The following PFKFB3 variants were observed in gnomAD, a reference collection of about 807,000 sequenced individuals.
PFKFB3 encodes the protein 6-phosphofructo-2-kinase/fructose-2,6-biphosphatase 3.
In PFKFB3, 33 loss-of-function variants were observed where a neutral mutation model predicts 68.0. The ratio of observed to expected loss-of-function variants is 0.49; its 90% CI spans 0.37 to 0.65. The LOEUF is 0.65. PFKFB3 is among the 30% of genes least tolerant of loss of function. The probability of loss-of-function intolerance (pLI) is 0.00; values close to 1 mark genes in which losing one functional copy is unlikely to be tolerated. For missense variants in PFKFB3, 586 were observed against 712.2 expected, an observed-to-expected ratio of 0.82 and a Z score of 2.02; for synonymous variants, 315 against 288.2, an observed-to-expected ratio of 1.09 and a Z score of -0.94.
chr10:6,222,761 G>T, intron 10 of PFKFB3, 94 bp from the exon 11 acceptor site: 1 of 1,352,722 alleles, frequency 7.4e-7, no homozygotes, highest in South Asian at 1.4e-5. Flanking sequence ...TTGATTTTGC[G>T]TGGCTCTCTG....
the PFKFB3 span, among the ~76,000 whole-genome samples, chr10:6,288,538 C>CT: frequency 6.6e-6 from 1 of 151,792 alleles, no homozygotes; most frequent in Non-Finnish European, 1.5e-5. Flanking sequence ...TGGACTCATC[C>CT]TTTTTTATGG....
At chr10:6,257,209 A>G (rs1846502325), downstream of PFKFB3, among the ~76,000 whole-genome samples, 1 of 152,186 alleles carries the variant, frequency 6.6e-6, no homozygotes, top group South Asian at 2.1e-4. Context: ...TCATACAAAG[A>G]ACCCTTTCTG....
chr10:6,164,524 G>A (rs183876462), intron 1 of PFKFB3, among the ~76,000 whole-genome samples: 137 of 152,328 alleles, frequency 9.0e-4, no homozygotes, highest in Non-Finnish European at 1.6e-3. Context: ...GGTGTTTCTC[G>A]TCAGGTGGGA....
Position 6,228,104 on chromosome 10 carries a change from T to C in PFKFB3, c.1515+1739T>C. The C allele has an allele frequency of 2.1e-6, 3 of 1,419,116 alleles. No individual in the cohort carries two copies. The highest frequency in any genetic ancestry group is 3.0e-6 in the Non-Finnish European group (3 of 1,006,056). 87.9% of individuals were successfully genotyped at this position (1,419,116 alleles called of 1,614,324 possible). Reference sequence around the variant, plus strand: ...GGTTCTTAGGGACGTCTGAAGCTGCTGGCTGGGCCGGCGTGGGGTTTTTCA... The same window carrying C: ...GGTTCTTAGGGACGTCTGAAGCTGCCGGCTGGGCCGGCGTGGGGTTTTTCA... On this transcript the variant is annotated intron_variant, in intron 14 of 14. Transcript: ENST00000379775. This position sits in a 1 kb window ranked among gnomAD's most constrained non-coding sequence, Gnocchi z 4.5.
Position 6,162,678 on chromosome 10 carries a change from A to G in PFKFB3, c.16+17665A>G, listed in dbSNP as rs1331942313. Among the ~76,000 whole-genome samples, 6 of 152,326 alleles carry G rather than the reference A, an allele frequency of 3.9e-5. No individual in the cohort carries two copies. The East Asian group carries it at 1.2e-3, about 29-fold the overall frequency. ...TTAGAATCCATTCCTGACATACTCA[A>G]TTGATGCTCAAGCCACTCCCAGTTT... On this transcript the variant is annotated intron_variant, in intron 1 of 14. Transcript: ENST00000379789.
At chr10:6,226,566 C>T in intron 14 of PFKFB3, 1 of 566,370 alleles carries the variant, frequency 1.8e-6, no homozygotes, top group Admixed American at 3.6e-5. Context: ...ACATAGGAAG[C>T]ACCCTCCGAA....
At chr10:6,181,733 G>A (rs1478195349) in intron 1 of PFKFB3, among the ~76,000 whole-genome samples, 10 of 149,832 alleles carry the variant, frequency 6.7e-5, no homozygotes, top group Admixed American at 6.7e-5. Flanking sequence ...AGGTGCTCAA[G>A]GCTGCAGTGA....
intron 1 of PFKFB3, chr10:6,197,841 G>T: frequency 6.6e-6 from 1 of 151,866 alleles, no homozygotes; most frequent in East Asian, 1.9e-4. Flanking sequence ...TATATGGTTG[G>T]CTCTCACGAT....
At position 6,228,725 on chromosome 10, in the gene PFKFB3, C is replaced by T. The variant is rs1277410154; in HGVS notation, c.1515+2360C>T. On this transcript the variant is annotated intron_variant, in intron 14 of 14. Transcript: ENST00000379775. This position sits in a 1 kb window ranked among gnomAD's most constrained non-coding sequence, Gnocchi z 4.5. ...GGTGGGGCCTGAGCTCTGAGCCTCTCCCTCCCCATGAGGACCCCCCACACC... is the reference window on the plus strand; with the variant it reads ...GGTGGGGCCTGAGCTCTGAGCCTCTTCCTCCCCATGAGGACCCCCCACACC... Among the ~76,000 whole-genome samples, 1 of 152,144 alleles carries T rather than the reference C, an allele frequency of 6.6e-6. No homozygotes were observed. Among genetic ancestry groups the T allele is most frequent in the East Asian group, 1.9e-4 (1 of 5,192 alleles).
At chr10:6,316,123 C>T in the PFKFB3 span, among the ~76,000 whole-genome samples, 4 of 152,104 alleles carry the variant, frequency 2.6e-5, no homozygotes, top group Non-Finnish European at 4.4e-5. Context: ...TGTATGGAGA[C>T]GTGGATTTGT....
the PFKFB3 span, among the ~76,000 whole-genome samples, chr10:6,296,107 T>C: frequency 3.3e-5 from 5 of 152,216 alleles, no homozygotes; most frequent in Non-Finnish European, 7.3e-5. Context: ...CTCTGATGGA[T>C]CAAAAAGTTG....
Position 6,194,292 on chromosome 10 carries a change from T to A in PFKFB3, c.17-19331T>A, listed in dbSNP as rs113994782. 1.1e-3 allele frequency among the ~76,000 whole-genome samples: 165 copies of A among 152,362 alleles called. 2 individuals carry two copies. The highest frequency in any genetic ancestry group is 3.7e-3 in the African/African-American group (155 of 41,584). On this transcript the variant is annotated intron_variant, in intron 1 of 14. Transcript: ENST00000379789. ...ACGGTTGAGTCTCTAAACCTAGATATGCAGAGGTTCCCTGGAATTGCTTCT... is the reference window on the plus strand; with the variant it reads ...ACGGTTGAGTCTCTAAACCTAGATAAGCAGAGGTTCCCTGGAATTGCTTCT...
At chr10:6,205,626 C>A (rs1843631426) in intron 1 of PFKFB3, among the ~76,000 whole-genome samples, 1 of 151,970 alleles carries the variant, frequency 6.6e-6, no homozygotes, top group Non-Finnish European at 1.5e-5. Context: ...CTCCTGACCT[C>A]AAGTGATCCG....
Position 6,215,145 on chromosome 10 carries a change from C to T in PFKFB3, c.203-76C>T, listed in dbSNP as rs914659298. ...TTGGCCTGGTGGCTCTTCCTTTGGTCGATCCTATGGTCCCGGTGTGAGCTG... is the reference window on the plus strand; with the variant it reads ...TTGGCCTGGTGGCTCTTCCTTTGGTTGATCCTATGGTCCCGGTGTGAGCTG... On this transcript the variant is annotated intron_variant, in intron 2 of 14. Transcript: ENST00000379775. This position sits in a 1 kb window ranked among gnomAD's most constrained non-coding sequence, Gnocchi z 4.3. 20 of 1,287,578 alleles carry T rather than the reference C, an allele frequency of 1.6e-5. No homozygotes were observed. Among genetic ancestry groups the T allele is most frequent in the East Asian group, 2.3e-5 (1 of 42,742 alleles). The allele number at this position is 1,287,578 out of a possible 1,614,324, so 79.8% of individuals were successfully genotyped here. A position where few individuals can be genotyped will look rare whatever the true frequency, so the allele number is the denominator to read the frequency against.
chr10:6,309,633 C>G, the PFKFB3 span, among the ~76,000 whole-genome samples: 3 of 151,884 alleles, frequency 2.0e-5, no homozygotes, highest in African/African-American at 7.2e-5. Flanking sequence ...GCCCCTCACC[C>G]CCGCCGGCCA....
intron 1 of PFKFB3, among the ~76,000 whole-genome samples, chr10:6,185,937 G>A (rs1033270896): frequency 2.6e-5 from 4 of 152,056 alleles, no homozygotes; most frequent in African/African-American, 9.7e-5. Context: ...ACCGCGCCTG[G>A]CCCCTGTCCT....
intron 1 of PFKFB3, among the ~76,000 whole-genome samples, chr10:6,166,907 G>A (rs1006762882): frequency 9.5e-5 from 14 of 147,758 alleles, no homozygotes; most frequent in Admixed American, 4.1e-4. Flanking sequence ...TCAGCTCACC[G>A]AAACCTCTGC....
chr10:6,172,388 G>A (rs1251407131), intron 1 of PFKFB3, among the ~76,000 whole-genome samples: 4 of 152,204 alleles, frequency 2.6e-5, no homozygotes, highest in South Asian at 2.1e-4. Context: ...AGGACACTTC[G>A]CTGGCCTTTC....
At chr10:6,258,731 C>T (rs1017094998), downstream of PFKFB3, among the ~76,000 whole-genome samples, 3 of 152,208 alleles carry the variant, frequency 2.0e-5, no homozygotes, top group African/African-American at 7.2e-5. Context: ...GGAAAAATTA[C>T]TCTCATGCTT....
Sources: gnomAD v4.1 joint callset for allele counts (sites outside exome capture counted in the v4.1 genomes callset) on GRCh38, gnomAD v4.1.1 for gene constraint, Gnocchi (gnomAD v3.1) non-coding constraint, MANE v1.5 for transcripts, NCBI Gene and HGNC (gene_info 2026-07-23, HGNC 2026-07-21) for gene names.